Variants in SHC4 observed in about 807,000 individuals in gnomAD.
The protein encoded by SHC4 is SHC-transforming protein 4.
A neutral mutation model predicts 69.4 loss-of-function variants in SHC4; 41 were observed. The ratio of observed to expected loss-of-function variants is 0.59; its 90% CI spans 0.46 to 0.77. SHC4 has a LOEUF of 0.77. Ranked by LOEUF, SHC4 falls within the 30% of genes least tolerant of loss-of-function variation. The probability of loss-of-function intolerance (pLI) is 0.00; values close to 1 mark genes in which losing one functional copy is unlikely to be tolerated. For missense variants in SHC4, 777 were observed against 783.8 expected (o/e 0.99, Z 0.10); for synonymous variants, 318 against 299.3 (o/e 1.06, Z -0.64).
At chr15:48,827,625 T>C (rs1157086174) in intron 11 of SHC4, among the ~76,000 whole-genome samples, 2 of 152,146 alleles carry the variant, frequency 1.3e-5, no homozygotes, top group African/African-American at 2.4e-5. Context: ...TTTCCCCTTC[T>C]CTTTAATCAA....
At chr15:48,943,624 G>A (rs1595765921) in intron 1 of SHC4, among the ~76,000 whole-genome samples, 1 of 152,040 alleles carries the variant, frequency 6.6e-6, no homozygotes, top group East Asian at 1.9e-4. Flanking sequence ...CCCAGCAATA[G>A]GATTGCTGGG....
intron 2 of SHC4, among the ~76,000 whole-genome samples, chr15:48,891,292 A>G (rs1389039610): frequency 6.6e-6 from 1 of 152,238 alleles, no homozygotes. Context: ...TTGAACTTCA[A>G]GGTGGTCTCA....
intron 11 of SHC4, among the ~76,000 whole-genome samples, chr15:48,833,437 C>G (rs1409195093): frequency 6.6e-6 from 1 of 152,114 alleles, no homozygotes; most frequent in Non-Finnish European, 1.5e-5. Context: ...TTTCAGTGCC[C>G]CAAGTGGCAG....
chr15:48,961,586 G>C (rs1226367996), intron 1 of SHC4, among the ~76,000 whole-genome samples: 1 of 152,060 alleles, frequency 6.6e-6, no homozygotes, highest in Admixed American at 6.6e-5. Flanking sequence ...TTCTCCTGAG[G>C]GTTCCCCATG....
intron 2 of SHC4, among the ~76,000 whole-genome samples, chr15:48,902,315 G>A (rs1373341748): frequency 2.6e-5 from 4 of 152,012 alleles, no homozygotes; most frequent in Admixed American, 2.6e-4. Context: ...TTATATAGTA[G>A]GTCAAATTAT....
chr15:48,901,743 T>G (rs1900322013), intron 2 of SHC4, among the ~76,000 whole-genome samples: 1 of 152,246 alleles, frequency 6.6e-6, no homozygotes, highest in Non-Finnish European at 1.5e-5. Flanking sequence ...GTTCAAAATC[T>G]AGCTGTCTCT....
At chr15:48,898,296 C>A (rs1003492509) in intron 2 of SHC4, among the ~76,000 whole-genome samples, 1 of 152,180 alleles carries the variant, frequency 6.6e-6, no homozygotes, top group African/African-American at 2.4e-5. Context: ...AGTCAGTGCC[C>A]ACAGACCAGT....
chr15:48,921,528 G>T (rs1465556098), intron 2 of SHC4, among the ~76,000 whole-genome samples: 3 of 152,048 alleles, frequency 2.0e-5, no homozygotes, highest in Non-Finnish European at 4.4e-5. Context: ...TAGAAACAGG[G>T]TTTCACCATG....
chr15:48,931,176 G>T (rs1320927693), intron 1 of SHC4, among the ~76,000 whole-genome samples: 1 of 151,896 alleles, frequency 6.6e-6, no homozygotes, highest in Non-Finnish European at 1.5e-5. Flanking sequence ...AAAAACAATG[G>T]TTCCTTCTCT....
chr15:48,910,835 C>T (rs115059289), intron 2 of SHC4, among the ~76,000 whole-genome samples: 1 of 152,168 alleles, frequency 6.6e-6, no homozygotes, highest in Admixed American at 6.5e-5. Flanking sequence ...AATGCTCATG[C>T]AAGAGCAGGT....
intron 2 of SHC4, among the ~76,000 whole-genome samples, chr15:48,916,059 T>C (rs1473044387): frequency 6.6e-6 from 1 of 152,224 alleles, no homozygotes; most frequent in African/African-American, 2.4e-5. Context: ...ATCCATGCAT[T>C]GCCGTAACTA....
At chr15:48,910,925 G>C (rs914917690) in intron 2 of SHC4, among the ~76,000 whole-genome samples, 2 of 152,176 alleles carry the variant, frequency 1.3e-5, no homozygotes, top group Non-Finnish European at 2.9e-5. Flanking sequence ...TGTGGTCTGA[G>C]AGAGTGCTTG....
At chr15:48,868,010 G>A in intron 5 of SHC4, 141 bp from the exon 6 acceptor site, 1 of 658,232 alleles carries the variant, frequency 1.5e-6, no homozygotes, top group Non-Finnish European at 2.6e-6. Flanking sequence ...CATTGTAAAA[G>A]GGAACATAAA....
chr15:48,955,929 A>G (rs1235269560), intron 1 of SHC4, among the ~76,000 whole-genome samples: 1 of 152,192 alleles, frequency 6.6e-6, no homozygotes, highest in African/African-American at 2.4e-5. Flanking sequence ...TCTGAGCCTT[A>G]GTTTCCTCAA....
intron 11 of SHC4, among the ~76,000 whole-genome samples, chr15:48,833,862 T>G (rs1339140651): frequency 6.6e-6 from 1 of 152,374 alleles, no homozygotes; most frequent in Non-Finnish European, 1.5e-5. Context: ...AGTTTTGACA[T>G]GACTGTTTTC....
intron 2 of SHC4, among the ~76,000 whole-genome samples, chr15:48,895,766 T>G (rs372746878): frequency 6.6e-6 from 1 of 152,204 alleles, no homozygotes; most frequent in Non-Finnish European, 1.5e-5. Flanking sequence ...AGGGGAAAAC[T>G]TGTGCTTATG....
intron 9 of SHC4, 27 bp downstream of exon 9, chr15:48,851,161 G>T: frequency 6.2e-7 from 1 of 1,609,832 alleles, no homozygotes; most frequent in Non-Finnish European, 8.5e-7. Flanking sequence ...AAGGAGGGTG[G>T]CAGATGGAGA....
chr15:48,923,886 C>T (rs1167393274), intron 2 of SHC4, among the ~76,000 whole-genome samples: 6 of 152,076 alleles, frequency 3.9e-5, no homozygotes, highest in African/African-American at 1.4e-4. Flanking sequence ...AGCAATCCTC[C>T]AACCTCAGCC....
intron 3 of SHC4, among the ~76,000 whole-genome samples, chr15:48,884,872 C>CT (rs1224612748): frequency 6.6e-6 from 1 of 152,110 alleles, no homozygotes; most frequent in East Asian, 1.9e-4. Context: ...TAATTGTTAC[C>CT]TTCAGATAAT....
Sources: gnomAD v4.1 joint callset for allele counts (sites outside exome capture counted in the v4.1 genomes callset) on GRCh38, gnomAD v4.1.1 for gene constraint, MANE v1.5 for transcripts, NCBI Gene and HGNC (gene_info 2026-07-23, HGNC 2026-07-21) for gene names.